The following TRPC3 variants were observed in gnomAD, a reference collection of about 807,000 sequenced individuals.
TRPC3 encodes short transient receptor potential channel 3.
In TRPC3, 54 loss-of-function variants were observed where a neutral mutation model predicts 90.9. That is an observed-to-expected ratio of 0.59 (90% confidence interval 0.48 to 0.75). The LOEUF (loss-of-function observed/expected upper bound fraction) is 0.75. Among genes scored for constraint, TRPC3 ranks in the 30% least tolerant of loss-of-function variants. TRPC3 has a pLI of 0.00. For missense variants in TRPC3, 918 were observed against 1,194.5 expected (o/e 0.77, Z 3.41); for synonymous variants, 424 against 450.9 (o/e 0.94, Z 0.75).
intron 3 of TRPC3, among the ~76,000 whole-genome samples, chr4:121,920,848 G>A (rs566357174): frequency 7.0e-4 from 106 of 152,252 alleles, no homozygotes; most frequent in African/African-American, 2.4e-3. Context: ...ATATTAAGAA[G>A]ATCAATCTTT....
intron 3 of TRPC3, among the ~76,000 whole-genome samples, chr4:121,916,428 T>G (rs759275386): frequency 1.3e-5 from 2 of 152,184 alleles, no homozygotes; most frequent in Non-Finnish European, 2.9e-5. Flanking sequence ...AATAAATTTA[T>G]GAATATTAGA....
intron 2 of TRPC3, among the ~76,000 whole-genome samples, chr4:121,928,982 T>C (rs2149139368): frequency 6.6e-6 from 1 of 152,294 alleles, no homozygotes; most frequent in Non-Finnish European, 1.5e-5. Context: ...TACCACCTAC[T>C]AGCTGTGTGA....
Position 121,932,031 on chromosome 4 carries a change from A to G in TRPC3, c.987+240T>C, listed in dbSNP as rs1729948908. On this transcript the variant is annotated intron_variant, in intron 2 of 11. Transcript: ENST00000379645. The surrounding 1 kb of genome is among the most constrained non-coding windows in gnomAD (Gnocchi z 7.7). ...TAATGCTTACCCAACACAGAGCGGCACCATAATTATAGCTCTCTGATCCAG... is the reference window on the plus strand; with the variant it reads ...TAATGCTTACCCAACACAGAGCGGCGCCATAATTATAGCTCTCTGATCCAG... 6.6e-6 allele frequency among the ~76,000 whole-genome samples: 1 copy of G among 152,242 alleles called. No homozygotes were observed. Among genetic ancestry groups the G allele is most frequent in the African/African-American group, 2.4e-5 (1 of 41,464 alleles).
chr4:121,920,653 AGTTT>A (rs1406627243), intron 3 of TRPC3, among the ~76,000 whole-genome samples: 1 of 152,190 alleles, frequency 6.6e-6, no homozygotes, highest in East Asian at 1.9e-4. Context: ...ATTCTTTGTT[AGTTT>A]AAGAGAAGGA....
At chr4:121,946,302 G>A (rs1038527032) in intron 1 of TRPC3, among the ~76,000 whole-genome samples, 7 of 151,968 alleles carry the variant, frequency 4.6e-5, no homozygotes, top group African/African-American at 1.4e-4. Flanking sequence ...TTCCTGAAGC[G>A]GGGGGAAAAA....
At chr4:121,898,004 C>A (rs1728578135) in intron 10 of TRPC3, among the ~76,000 whole-genome samples, 1 of 152,050 alleles carries the variant, frequency 6.6e-6, no homozygotes, top group South Asian at 2.1e-4. Flanking sequence ...TTTGCAGCAA[C>A]ATGGATGGAA....
At position 121,932,852 on chromosome 4, in the gene TRPC3, T is replaced by C; in HGVS notation, c.406A>G (p.Lys136Glu). The C allele has an allele frequency of 6.2e-7, 1 of 1,612,980 alleles. No individual in the cohort carries two copies. Among genetic ancestry groups the C allele is most frequent in the Non-Finnish European group, 8.5e-7 (1 of 1,179,218 alleles). The change falls in exon 2 of 12, where the codon AAG (lysine) becomes GAG (glutamate). Residue 136 changes from lysine (K) to glutamate (E), a missense_variant. Lys to Glu is a moderately conservative substitution (Grantham distance 56). Around this residue, in one of 4 missense-constraint regions of TRPC3, gnomAD observed 609 missense variants for 725.9 expected, o/e 0.84. Coordinates refer to ENST00000379645, the MANE Select transcript of TRPC3 (RefSeq NM_001130698.2). The surrounding 1 kb of genome is among the most constrained non-coding windows in gnomAD (Gnocchi z 7.7). The stretch of plus-strand genomic sequence containing the variant: ...TCCACGCAGTTGACGTTCAGCGTCT[T>C]GGACTCCTCCAGCATCTTGCGCACC... Reference protein sequence around the residue: ...PVVRKMLEESKTLNVNCVDYM... With the variant: ...PVVRKMLEESETLNVNCVDYM...
intron 10 of TRPC3, among the ~76,000 whole-genome samples, chr4:121,883,514 T>C (rs1728011813): frequency 6.6e-6 from 1 of 151,852 alleles, no homozygotes; most frequent in Admixed American, 6.6e-5. Flanking sequence ...ACGTGAAGGG[T>C]CAACAAGCTT....
At chr4:121,904,108 T>G (rs1578616945) in intron 8 of TRPC3, among the ~76,000 whole-genome samples, 1 of 152,106 alleles carries the variant, frequency 6.6e-6, no homozygotes, top group East Asian at 1.9e-4. Context: ...GGAGCAGCAG[T>G]AAATTCATGG....
chr4:121,904,355 A>G lies in TRPC3; in HGVS notation c.2220T>C (p.Ile740=). The G allele has an allele frequency of 6.2e-7, 1 of 1,601,630 alleles. No homozygotes were observed. The highest frequency in any genetic ancestry group is 8.5e-7 in the Non-Finnish European group (1 of 1,177,002). ...TMVVVLLNML[I]AMINSSYQEI... is the part of the protein sequence containing the mutation. The stretch of plus-strand genomic sequence containing the variant: ...CTTGATATGAGCTATTAATCATAGC[A>G]ATTAGCATGTTGAGTAAAACGACCA... Residue 740 remains isoleucine, a synonymous_variant, in exon 8 of 12, where the codon ATT becomes ATC. Coordinates refer to ENST00000379645, the MANE Select transcript of TRPC3 (RefSeq NM_001130698.2).
chr4:121,945,926 A>C (rs1730472081), intron 1 of TRPC3, among the ~76,000 whole-genome samples: 1 of 152,260 alleles, frequency 6.6e-6, no homozygotes, highest in African/African-American at 2.4e-5. Context: ...TATAAAAAAG[A>C]ATACTCATAA....
At chr4:121,912,898 C>T (rs1308892079) in intron 4 of TRPC3, among the ~76,000 whole-genome samples, 2 of 152,250 alleles carry the variant, frequency 1.3e-5, no homozygotes, top group Non-Finnish European at 2.9e-5. Flanking sequence ...CAAGGGCCCC[C>T]ACAGTCCAAG....
intron 1 of TRPC3, among the ~76,000 whole-genome samples, chr4:121,947,536 G>A (rs1406595736): frequency 1.3e-5 from 2 of 152,106 alleles, no homozygotes; most frequent in South Asian, 2.1e-4. Context: ...CTCATTTTTG[G>A]TTCCTTGATC....
At chr4:121,880,992 G>A (rs1727922145) in intron 11 of TRPC3, among the ~76,000 whole-genome samples, 1 of 151,506 alleles carries the variant, frequency 6.6e-6, no homozygotes, top group African/African-American at 2.4e-5. Context: ...TTGGCATATG[G>A]CAATATAAAA....
intron 10 of TRPC3, among the ~76,000 whole-genome samples, chr4:121,882,773 A>G (rs1368230761): frequency 2.6e-5 from 4 of 152,056 alleles, no homozygotes; most frequent in Non-Finnish European, 5.9e-5. Context: ...ACACTACCTT[A>G]TTTCCCAGTA....
rs1313700538 is a variant in TRPC3, at chr4:121,932,613, C to A, written c.645G>T (p.Leu215=). Residue 215 remains leucine, a synonymous_variant, in exon 2 of 12, where the codon CTG becomes CTT. Transcript: ENST00000379645. This position sits in a 1 kb window ranked among gnomAD's most constrained non-coding sequence, Gnocchi z 7.7. ...CGTAAGCGTAGAAGTCGTCGTCCTGCAGCTCCTGCTCACAGGGGCTCAGAG... is the reference window on the plus strand; with the variant it reads ...CGTAAGCGTAGAAGTCGTCGTCCTGAAGCTCCTGCTCACAGGGGCTCAGAG... ...RLTLSPCEQE[L]QDDDFYAYDE... 1 of 1,613,868 alleles carries A rather than the reference C, an allele frequency of 6.2e-7. No homozygotes were observed. The highest frequency in any genetic ancestry group is 8.5e-7 in the Non-Finnish European group (1 of 1,179,830).
rs894364302 is a variant in TRPC3, at chr4:121,948,851, G to GT, written c.215+2614dup. On this transcript the variant is annotated intron_variant, in intron 1 of 11. Coordinates refer to ENST00000379645, the MANE Select transcript of TRPC3 (RefSeq NM_001130698.2). ...TATAACTCTTTGCGGTTTTTTTTTT[G>GT]TTTTTTTGTTTTTGTTGTTGTTGTT... 3.6e-4 allele frequency among the ~76,000 whole-genome samples: 37 copies of GT among 103,356 alleles called. 1 individual carries two copies. Among genetic ancestry groups the GT allele is most frequent in the Admixed American group, 1.1e-3 (11 of 9,828 alleles). The allele number at this position is 103,356 out of a possible 152,430, so 67.8% of individuals were successfully genotyped here.
Position 121,951,438 on chromosome 4 carries a change from G to A in TRPC3, c.215+28C>T. 2.5e-6 allele frequency: 3 copies of A among 1,186,698 alleles called. No individual in the cohort carries two copies. Among genetic ancestry groups the A allele is most frequent in the Non-Finnish European group, 3.1e-6 (3 of 958,112 alleles). 73.5% of individuals were successfully genotyped at this position (1,186,698 alleles called of 1,614,324 possible). ...CCCGCCCGGCACCGCCCTCCGAGGC[G>A]CGGGCCGCGGCCGGGCCCGGTACTC... is the stretch of plus-strand genomic sequence containing the variant. On this transcript the variant is annotated intron_variant, in intron 1 of 11. Coordinates refer to ENST00000379645, the MANE Select transcript of TRPC3 (RefSeq NM_001130698.2). The surrounding 1 kb of genome is among the most constrained non-coding windows in gnomAD (Gnocchi z 4.4).
rs753114414 is a variant in TRPC3 at position 121,910,329 on chromosome 4, C to T, written c.1617G>A (p.Leu539=). ...CAAAGTCAAGCACATTCCACAACTG[C>T]AAAATGTATTCCCTAGGTCCTTCCA... The part of the protein sequence containing the change: ...LWLEGPREYI[L]QLWNVLDFGM... Residue 539 remains leucine, a synonymous_variant, in exon 6 of 12, where the codon TTG becomes TTA. Transcript: ENST00000379645. 6.2e-7 allele frequency: 1 copy of T among 1,613,790 alleles called. No homozygotes were observed. The highest frequency in any genetic ancestry group is 1.1e-5 in the South Asian group (1 of 91,082).
Sources: allele counts gnomAD v4.1 joint callset (sites outside exome capture counted in the v4.1 genomes callset), GRCh38; gene constraint gnomAD v4.1.1; regional missense constraint gnomAD v4.1.1; non-coding constraint Gnocchi (gnomAD v3.1); transcripts MANE v1.5; gene names NCBI Gene and HGNC (gene_info 2026-07-23, HGNC 2026-07-21).